Variants in CTNNA3 observed in about 807,000 individuals in gnomAD.
CTNNA3 encodes catenin alpha 3.
Under a neutral mutation model 95.7 loss-of-function variants are expected in CTNNA3, and 76 were observed. The ratio of observed to expected loss-of-function variants is 0.79; its 90% CI spans 0.66 to 0.96. CTNNA3 has a LOEUF of 0.96. Ranked by LOEUF, CTNNA3 falls within the 40% of genes least tolerant of loss-of-function variation. The probability of loss-of-function intolerance (pLI) is 0.00; values close to 1 mark genes in which losing one functional copy is unlikely to be tolerated. For synonymous variants in CTNNA3, 431 were observed against 374.4 expected (o/e 1.15, Z -1.74); for missense variants, 1,191 against 1,089.8 (o/e 1.09, Z -1.31).
chr10:66,352,340 A>T (rs115637042), intron 12 of CTNNA3, among the ~76,000 whole-genome samples: 2,015 of 152,230 alleles, frequency 0.013, 46 homozygotes, highest in African/African-American at 0.046. Flanking sequence ...AACTATTGTG[A>T]TCAAAACATA....
intron 5 of CTNNA3, among the ~76,000 whole-genome samples, chr10:67,333,174 A>C (rs1189545375): frequency 6.6e-6 from 1 of 152,224 alleles, no homozygotes; most frequent in Non-Finnish European, 1.5e-5. Flanking sequence ...TTAAAGAAAC[A>C]GGAAACAATC....
At chr10:67,686,667 C>T (rs554939983) in intron 1 of CTNNA3, among the ~76,000 whole-genome samples, 13 of 152,228 alleles carry the variant, frequency 8.5e-5, no homozygotes, top group East Asian at 5.8e-4. Context: ...AGACAGCCAC[C>T]GCCACAACTA....
At chr10:67,038,879 C>A (rs1246475998) in intron 7 of CTNNA3, among the ~76,000 whole-genome samples, 2 of 151,774 alleles carry the variant, frequency 1.3e-5, no homozygotes, top group African/African-American at 4.8e-5. Context: ...ATAATACATA[C>A]AAATTTAGTA....
At chr10:66,775,018 G>T (rs191941552) in intron 8 of CTNNA3, among the ~76,000 whole-genome samples, 1 of 152,136 alleles carries the variant, frequency 6.6e-6, no homozygotes, top group African/African-American at 2.4e-5. Context: ...TTAAGCATTT[G>T]GATGATGAAC....
intron 11 of CTNNA3, among the ~76,000 whole-genome samples, chr10:66,472,661 T>A (rs573185128): frequency 1.3e-5 from 2 of 152,170 alleles, no homozygotes; most frequent in East Asian, 3.9e-4. Context: ...TCTGAATTAT[T>A]AAAATTAACT....
chr10:66,084,713 G>C (rs1218812234), intron 14 of CTNNA3, among the ~76,000 whole-genome samples: 1 of 152,120 alleles, frequency 6.6e-6, no homozygotes, highest in Non-Finnish European at 1.5e-5. Context: ...CCCCAAGTGA[G>C]TTATGAATTA....
upstream of CTNNA3, among the ~76,000 whole-genome samples, chr10:67,698,645 C>T (rs57427412): frequency 0.035 from 5,296 of 152,122 alleles, 313 homozygotes; most frequent in African/African-American, 0.12. Context: ...ATTTCAGGTT[C>T]GGGCTTTAAA....
At chr10:67,183,920 G>A (rs114843291) in intron 6 of CTNNA3, among the ~76,000 whole-genome samples, 11,381 of 152,002 alleles carry the variant, frequency 0.075, 610 homozygotes, top group African/African-American at 0.15. Flanking sequence ...ATTATTAACT[G>A]AAGAAAAATA....
intron 7 of CTNNA3, among the ~76,000 whole-genome samples, chr10:66,963,125 T>C (rs1849209910): frequency 6.6e-6 from 1 of 152,336 alleles, no homozygotes; most frequent in East Asian, 1.9e-4. Flanking sequence ...AATGTGATGC[T>C]TGAAATAAAA....
chr10:67,436,053 A>G (rs1419486313), intron 5 of CTNNA3, among the ~76,000 whole-genome samples: 2 of 152,172 alleles, frequency 1.3e-5, no homozygotes, highest in African/African-American at 4.8e-5. Context: ...TGGACACATC[A>G]CACTACCTGA....
chr10:67,726,564 A>ATATATTATATATTATATAATATGTAATAT (rs1841226157), intron 1 of CTNNA3, among the ~76,000 whole-genome samples: 1 of 70,836 alleles, frequency 1.4e-5, no homozygotes, highest in East Asian at 6.6e-4. Flanking sequence ...ATAATATAAT[A>ATATATTATATATTATATAATATGTAATAT]TATATTACAT....
chr10:67,557,730 C>T (rs1286728415), intron 3 of CTNNA3, among the ~76,000 whole-genome samples: 1 of 152,154 alleles, frequency 6.6e-6, no homozygotes, highest in African/African-American at 2.4e-5. Flanking sequence ...TACAGAATTT[C>T]TGCAAGGCCC....
chr10:66,424,707 T>A (rs1377012364), intron 11 of CTNNA3, among the ~76,000 whole-genome samples: 4 of 152,296 alleles, frequency 2.6e-5, no homozygotes, highest in Admixed American at 1.3e-4. Context: ...ACATAATATG[T>A]AGTCAACTTT....
At chr10:66,666,523 G>A (rs1174216040) in intron 9 of CTNNA3, among the ~76,000 whole-genome samples, 2 of 151,996 alleles carry the variant, frequency 1.3e-5, no homozygotes, top group Non-Finnish European at 2.9e-5. Flanking sequence ...CTTGAACATA[G>A]GTATAATAAG....
intron 1 of CTNNA3, among the ~76,000 whole-genome samples, chr10:67,756,901 T>C (rs555302738): frequency 1.3e-5 from 2 of 152,296 alleles, no homozygotes; most frequent in East Asian, 3.9e-4. Context: ...TAAAAAAATA[T>C]ATATAAGTAT....
Position 66,693,114 on chromosome 10 carries a change from A to C in CTNNA3, c.1282-71330T>G, listed in dbSNP as rs142642770. On this transcript the variant is annotated intron_variant, in intron 9 of 17. Coordinates refer to ENST00000433211, the MANE Select transcript of CTNNA3 (RefSeq NM_013266.4). ...TAGGATCAAATTCACACATAACACTATTAACTTTAAATGTAAATGGACTAG... is the reference window on the plus strand; with the variant it reads ...TAGGATCAAATTCACACATAACACTCTTAACTTTAAATGTAAATGGACTAG... 1.9e-3 allele frequency among the ~76,000 whole-genome samples: 282 copies of C among 152,304 alleles called. 3 individuals carry two copies. Among genetic ancestry groups the C allele is most frequent in the African/African-American group, 6.5e-3 (270 of 41,564 alleles).
intron 12 of CTNNA3, among the ~76,000 whole-genome samples, chr10:66,366,240 G>T (rs1479357283): frequency 6.6e-6 from 1 of 152,092 alleles, no homozygotes; most frequent in Non-Finnish European, 1.5e-5. Context: ...AGAAACGTTT[G>T]CCCATTAACT....
chr10:67,728,081 T>TTATATAATATGTAATATGTATG lies in CTNNA3; in HGVS notation c.-2+35352_-2+35353insCATACATATTACATATTATATA, dbSNP rs1554879728. ...TTATATGTATATTACATATTATATATTATATAATATGTAATATACATACAT... is the reference window on the plus strand; with the variant it reads ...TTATATGTATATTACATATTATATATTATATAATATGTAATATGTATGTATATAATATGTAATATACATACAT... On this transcript the variant is annotated intron_variant, in intron 1 of 17. Coordinates refer to the CTNNA3 transcript ENST00000684154. Among the ~76,000 whole-genome samples, 1,259 of 142,554 alleles carry TTATATAATATGTAATATGTATG rather than the reference T, an allele frequency of 8.8e-3. 20 individuals carry two copies. The highest frequency in any genetic ancestry group is 0.031 in the African/African-American group (1,195 of 38,800). The allele number at this position is 142,554 out of a possible 152,430, so 93.5% of individuals were successfully genotyped here. A position where few individuals can be genotyped will look rare whatever the true frequency, so the allele number is the denominator to read the frequency against.
At chr10:66,928,404 T>C (rs1847194003) in intron 7 of CTNNA3, 8 of 1,613,986 alleles carry the variant, frequency 5.0e-6, no homozygotes, top group Non-Finnish European at 5.9e-6. Context: ...TGCTGCTGAA[T>C]GGGACGGGAC....
Sources: allele counts gnomAD v4.1 joint callset (sites outside exome capture counted in the v4.1 genomes callset), GRCh38; gene constraint gnomAD v4.1.1; transcripts MANE v1.5; gene names NCBI Gene and HGNC (gene_info 2026-07-23, HGNC 2026-07-21).